The following COLEC12 variants were observed in gnomAD, a reference collection of about 807,000 sequenced individuals.
COLEC12 encodes collectin subfamily member 12, also known as collectin-12.
Under a neutral mutation model 71.1 loss-of-function variants are expected in COLEC12, and 33 were observed. The ratio of observed to expected loss-of-function variants is 0.46; its 90% CI spans 0.35 to 0.62. The LOEUF is 0.62. Among genes scored for constraint, COLEC12 ranks in the 20% least tolerant of loss-of-function variants. The pLI, the probability that COLEC12 is intolerant of heterozygous loss-of-function variation, is 0.00. For missense variants in COLEC12, 765 were observed against 916.1 expected (o/e 0.84, Z 2.13); for synonymous variants, 350 against 353.0 (o/e 0.99, Z 0.10).
In COLEC12 at chr18:373,727, C is replaced by A. The variant is rs551510235; in HGVS notation, c.59-16205G>T. 2.0e-5 allele frequency among the ~76,000 whole-genome samples: 3 copies of A among 152,216 alleles called. No individual in the cohort carries two copies. In the South Asian group the frequency reaches 6.2e-4, roughly 32 times the overall value. ...GGGCCTGGGAGAAGCAGCAGCCCCCCACCTCCCCCCAAGAATTCTGTCTGG... is the reference window on the plus strand; with the variant it reads ...GGGCCTGGGAGAAGCAGCAGCCCCCAACCTCCCCCCAAGAATTCTGTCTGG... On this transcript the variant is annotated intron_variant, in intron 2 of 9. Coordinates refer to ENST00000400256, the MANE Select transcript of COLEC12 (RefSeq NM_130386.3).
At chr18:392,612 G>A (rs1208626819) in intron 2 of COLEC12, among the ~76,000 whole-genome samples, 1 of 152,152 alleles carries the variant, frequency 6.6e-6, no homozygotes, top group Non-Finnish European at 1.5e-5. Context: ...CCAGGTTTGT[G>A]CATCACACAA....
intron 2 of COLEC12, among the ~76,000 whole-genome samples, chr18:444,297 G>A (rs1200840522): frequency 6.6e-6 from 1 of 152,064 alleles, no homozygotes; most frequent in Non-Finnish European, 1.5e-5. Context: ...ATAAAAAATA[G>A]ACAAATGTTT....
rs952730543 is a variant in COLEC12 at position 399,926 on chromosome 18, G to A, written c.59-42404C>T. Among the ~76,000 whole-genome samples the A allele has an allele frequency of 5.9e-5, 9 of 152,152 alleles. No homozygotes were observed. The highest frequency in any genetic ancestry group is 1.4e-4 in the African/African-American group (6 of 41,436). Reference sequence around the variant, plus strand: ...GTTTTTGGCTTGATCCTCAGACAACGCTTGTTAAAGGGTGGTGGGGGCGGG... The same window carrying A: ...GTTTTTGGCTTGATCCTCAGACAACACTTGTTAAAGGGTGGTGGGGGCGGG... On this transcript the variant is annotated intron_variant, in intron 2 of 9. Coordinates refer to ENST00000400256, the MANE Select transcript of COLEC12 (RefSeq NM_130386.3). This position sits in a 1 kb window ranked among gnomAD's most constrained non-coding sequence, Gnocchi z 4.0.
intron 1 of COLEC12, among the ~76,000 whole-genome samples, chr18:482,466 C>A (rs1917441041): frequency 6.6e-6 from 1 of 151,984 alleles, no homozygotes; most frequent in African/African-American, 2.4e-5. Flanking sequence ...TTCTAGGGGA[C>A]CCTGTCTGAC....
At chr18:360,837 G>T (rs577072298) in intron 2 of COLEC12, among the ~76,000 whole-genome samples, 1 of 152,074 alleles carries the variant, frequency 6.6e-6, no homozygotes, top group Non-Finnish European at 1.5e-5. Context: ...AAATAAACTT[G>T]TTTATTATAA....
intron 2 of COLEC12, among the ~76,000 whole-genome samples, chr18:423,008 C>T (rs935078628): frequency 2.6e-4 from 39 of 152,352 alleles, no homozygotes; most frequent in East Asian, 7.7e-4. Context: ...CAGTGGCTTA[C>T]GCCTGTAATC....
intron 2 of COLEC12, among the ~76,000 whole-genome samples, chr18:366,607 C>T (rs1309137461): frequency 6.6e-6 from 1 of 152,204 alleles, no homozygotes; most frequent in Admixed American, 6.5e-5. Context: ...GTTTGCATTT[C>T]CCTAAGCAAA....
chr18:398,904 A>G (rs748323070), intron 2 of COLEC12, among the ~76,000 whole-genome samples: 3 of 152,224 alleles, frequency 2.0e-5, no homozygotes, highest in Non-Finnish European at 4.4e-5. Flanking sequence ...AGATGTTTAT[A>G]TATTGATTCT....
In COLEC12 at chr18:368,611, TC is replaced by T. The variant is rs570084585; in HGVS notation, c.59-11090del. 6.1e-3 allele frequency among the ~76,000 whole-genome samples: 929 copies of T among 151,826 alleles called. 13 individuals are homozygous for T. Among genetic ancestry groups the T allele is most frequent in the African/African-American group, 0.022 (895 of 41,328 alleles). ...CGGGCGCGGTGGCTCAGGCCTGTAA[TC>T]CCAGAACTTTGGGAGGCCAAGGTGG... On this transcript the variant is annotated intron_variant, in intron 2 of 9. Coordinates refer to ENST00000400256, the MANE Select transcript of COLEC12 (RefSeq NM_130386.3).
chr18:391,604 A>G (rs960723613), intron 2 of COLEC12, among the ~76,000 whole-genome samples: 7 of 152,100 alleles, frequency 4.6e-5, no homozygotes, highest in African/African-American at 1.7e-4. Flanking sequence ...TTGGGACACT[A>G]GTTTATAATT....
chr18:331,609 G>A, intron 8 of COLEC12, 59 bp downstream of exon 8: 1 of 1,114,246 alleles, frequency 9.0e-7, no homozygotes, highest in Non-Finnish European at 1.4e-6. Context: ...AGTCGGGCAA[G>A]AAGTGACAAC....
chr18:500,468 T>TC lies in COLEC12; in HGVS notation c.7+39dup, dbSNP rs1567927789. The TC allele has an allele frequency of 1.6e-6, 2 of 1,221,444 alleles. No individual in the cohort carries two copies. Among genetic ancestry groups the TC allele is most frequent in the Non-Finnish European group, 2.0e-6 (2 of 980,538 alleles). The allele number at this position is 1,221,444 out of a possible 1,614,324, so 75.7% of individuals were successfully genotyped here. On this transcript the variant is annotated intron_variant, in intron 1 of 9. Transcript: ENST00000400256. This position sits in a 1 kb window ranked among gnomAD's most constrained non-coding sequence, Gnocchi z 5.3. The stretch of plus-strand genomic sequence containing the variant: ...GCCTCCCGCGCGCCCCGAAGCCCGT[T>TC]CCCCCCGCCCAGAGCCCCGCGGAGC...
intron 1 of COLEC12, among the ~76,000 whole-genome samples, chr18:481,904 CTTT>C (rs923148159): frequency 1.3e-5 from 2 of 149,808 alleles, no homozygotes; most frequent in African/African-American, 4.9e-5. Flanking sequence ...CTAAAGGACA[CTTT>C]TTTTTTTCTT....
chr18:392,562 A>G (rs1445620656), intron 2 of COLEC12, among the ~76,000 whole-genome samples: 2 of 152,202 alleles, frequency 1.3e-5, no homozygotes, highest in African/African-American at 4.8e-5. Flanking sequence ...TTCAGATGCT[A>G]TTTGGTGAAA....
At chr18:377,597 A>T (rs916566053) in intron 2 of COLEC12, among the ~76,000 whole-genome samples, 11 of 152,218 alleles carry the variant, frequency 7.2e-5, no homozygotes, top group African/African-American at 2.4e-4. Context: ...AAAGGAAAGG[A>T]GCCTCCCAAA....
intron 2 of COLEC12, among the ~76,000 whole-genome samples, chr18:432,262 G>T (rs1317033954): frequency 1.3e-5 from 2 of 152,090 alleles, no homozygotes; most frequent in Non-Finnish European, 2.9e-5. Flanking sequence ...CTAGCTCTGA[G>T]ACCTACATTA....
At position 438,208 on chromosome 18, in the gene COLEC12, G is replaced by C. The variant is rs116265341; in HGVS notation, c.58+42499C>G. ...TATGAGTGATTTCAGATGTTGTAAA[G>C]TCAAAGTGCCAGCATAAACCTCATG... is the stretch of plus-strand genomic sequence containing the variant. On this transcript the variant is annotated intron_variant, in intron 2 of 9. Coordinates refer to ENST00000400256, the MANE Select transcript of COLEC12 (RefSeq NM_130386.3). Among the ~76,000 whole-genome samples the C allele has an allele frequency of 9.4e-3, 1,429 of 152,290 alleles. 27 individuals are homozygous for C. The highest frequency in any genetic ancestry group is 0.033 in the African/African-American group (1,385 of 41,564).
At chr18:470,528 C>T (rs907308890) in intron 2 of COLEC12, among the ~76,000 whole-genome samples, 3 of 152,028 alleles carry the variant, frequency 2.0e-5, no homozygotes, top group Non-Finnish European at 2.9e-5. Flanking sequence ...AGCCACCACC[C>T]CAGAGGCCAG....
intron 1 of COLEC12, among the ~76,000 whole-genome samples, chr18:496,409 T>C (rs1418538258): frequency 6.6e-6 from 1 of 152,192 alleles, no homozygotes; most frequent in Non-Finnish European, 1.5e-5. Flanking sequence ...AAAAGTATAA[T>C]TAGATTGTAA....
Sources: gnomAD v4.1 joint callset for allele counts (sites outside exome capture counted in the v4.1 genomes callset) on GRCh38, gnomAD v4.1.1 for gene constraint, Gnocchi (gnomAD v3.1) non-coding constraint, MANE v1.5 for transcripts, NCBI Gene and HGNC (gene_info 2026-07-23, HGNC 2026-07-21) for gene names.